THBS3: variants seen among roughly 807,000 people sequenced by gnomAD.
THBS3 encodes the protein thrombospondin-3.
Under a neutral mutation model 118.3 loss-of-function variants are expected in THBS3, and 78 were observed. The ratio of observed to expected loss-of-function variants is 0.66; its 90% CI spans 0.55 to 0.80. The LOEUF (loss-of-function observed/expected upper bound fraction) is 0.80. Ranked by LOEUF, THBS3 falls within the 30% of genes least tolerant of loss-of-function variation. The probability of loss-of-function intolerance (pLI) is 0.00; values close to 1 mark genes in which losing one functional copy is unlikely to be tolerated. For missense variants in THBS3, 1,057 were observed against 1,247.4 expected, an observed-to-expected ratio of 0.85 and a Z score of 2.30; for synonymous variants, 427 against 475.3, an observed-to-expected ratio of 0.90 and a Z score of 1.32.
At chr1:155,203,366 G>A in intron 5 of THBS3, 61 bp from the exon 6 acceptor site, 4 of 1,600,104 alleles carry the variant, frequency 2.5e-6, no homozygotes, top group South Asian at 2.2e-5. Flanking sequence ...GCCCTCCATG[G>A]GCAATAAGCC....
At position 155,199,999 on chromosome 1, in the gene THBS3, G is replaced by C. The variant is rs753216530; in HGVS notation, c.1823C>G (p.Thr608Ser). 2 of 1,599,610 alleles carry C rather than the reference G, an allele frequency of 1.3e-6. No homozygotes were observed. The highest frequency in any genetic ancestry group is 1.7e-6 in the Non-Finnish European group (2 of 1,171,958). ...CDSCPEMSNPTQTDADSDLVG... is the reference protein window; with the variant it reads ...CDSCPEMSNPSQTDADSDLVG... The stretch of plus-strand genomic sequence containing the variant: ...GTCCTTACCATCTCCCTGTACCTGG[G>C]TAGGATTGCTCATTTCAGGGCAGCT... The change falls in exon 15 of 23, where the codon ACC becomes AGC. Residue 608 changes from threonine to serine, a missense_variant. Thr to Ser is a moderately conservative substitution (Grantham distance 58, BLOSUM62 1). Around this residue, in one of 3 missense-constraint regions of THBS3, gnomAD observed 544 missense variants for 715.6 expected, o/e 0.76. Coordinates refer to ENST00000368378, the MANE Select transcript of THBS3 (RefSeq NM_007112.5).
upstream of THBS3, chr1:155,209,153 CT>C (rs979110905): frequency 3.3e-5 from 50 of 1,515,714 alleles, no homozygotes; most frequent in African/African-American, 4.8e-4. Context: ...CCCAGGCCCC[CT>C]GACCGCAACG....
At chr1:155,198,335 T>A (rs1422625330) in intron 17 of THBS3, 74 bp downstream of exon 17, 1 of 1,587,950 alleles carries the variant, frequency 6.3e-7, no homozygotes, top group Non-Finnish European at 8.6e-7. Context: ...CTTCCTCACT[T>A]CCCAACAGGG....
chr1:155,196,150 G>A (rs72704114), intron 21 of THBS3, 24 bp from the exon 22 acceptor site: 16,189 of 1,613,180 alleles, frequency 0.01, 126 homozygotes, highest in Non-Finnish European at 0.011. Flanking sequence ...CAGGATAGGA[G>A]TATCCATTGG....
At position 155,201,938 on chromosome 1, in the gene THBS3, C is replaced by T. The variant is rs1669801567; in HGVS notation, c.1176+19G>A. On this transcript the variant is annotated intron_variant, in intron 10 of 22. Coordinates refer to ENST00000368378, the MANE Select transcript of THBS3 (RefSeq NM_007112.5). ...ACCATTCCCACCACCCCAGAATACA[C>T]TCAGGATATTCAGCTCACCACAGTG... The T allele has an allele frequency of 6.2e-7, 1 of 1,613,734 alleles. No homozygotes were observed. The highest frequency in any genetic ancestry group is 1.3e-5 in the African/African-American group (1 of 74,900).
intron 21 of THBS3, 185 bp from the exon 22 acceptor site, chr1:155,196,311 C>T (rs1668663347): frequency 1.5e-6 from 1 of 663,110 alleles, no homozygotes; most frequent in East Asian, 2.8e-5. Flanking sequence ...AGGCCTGGGG[C>T]CCCTAGCTCT....
At chr1:155,207,969 G>T (rs1670802071), upstream of THBS3, 4 of 748,650 alleles carry the variant, frequency 5.3e-6, no homozygotes, top group Non-Finnish European at 7.9e-6. Flanking sequence ...CGGAGGGACA[G>T]AATTGGAGGG....
At chr1:155,201,898 G>C in intron 10 of THBS3, 59 bp downstream of exon 10, 1 of 1,607,026 alleles carries the variant, frequency 6.2e-7, no homozygotes, top group Non-Finnish European at 8.5e-7. Context: ...AAGAAGGGGC[G>C]GGGGTTGGGG....
rs368335244 is a variant in THBS3 at position 155,205,125 on chromosome 1, T to C, written c.478A>G (p.Ile160Val). The change falls in exon 3 of 23, where the codon ATT becomes GTT. Residue 160 changes from isoleucine to valine, a missense_variant. Around this residue, in one of 3 missense-constraint regions of THBS3, gnomAD observed 206 missense variants for 205.7 expected, o/e 1.00. Coordinates refer to ENST00000368378, the MANE Select transcript of THBS3 (RefSeq NM_007112.5). ...AGCCCATCGACCTCCGCTGGAGGAA[T>C]GGGGGCCAGTGCTGGAAGGCCTGCA... The part of the protein sequence containing the change: ...QHAGLPALAP[I>V]PPAEVDGLEI... 1.7e-5 allele frequency: 27 copies of C among 1,614,068 alleles called. No individual in the cohort carries two copies. Among genetic ancestry groups the C allele is most frequent in the Non-Finnish European group, 2.3e-5 (27 of 1,180,050 alleles).
At position 155,195,801 on chromosome 1, in the gene THBS3, G is replaced by A. The variant is rs780766488; in HGVS notation, c.*40C>T. ...CTCCAGGATGGACCCCAAGGCCAAA[G>A]GGTCTAAAATTCTGAATTCTGAATC... On this transcript the variant is annotated 3_prime_UTR_variant, in exon 23 of 23. Coordinates refer to ENST00000368378, the MANE Select transcript of THBS3 (RefSeq NM_007112.5). 4 of 1,608,466 alleles carry A rather than the reference G, an allele frequency of 2.5e-6. No homozygotes were observed. In the South Asian group the frequency reaches 4.4e-5, roughly 18 times the overall value.
At chr1:155,199,124 AAGG>A (rs1280095378) in intron 16 of THBS3, among the ~76,000 whole-genome samples, 1 of 150,100 alleles carries the variant, frequency 6.7e-6, no homozygotes, top group Non-Finnish European at 1.5e-5. Context: ...CAAAAAAAAA[AAGG>A]AGGCCGGGCA....
rs768801703 is a variant in THBS3, at chr1:155,202,354, G to A, written c.1005C>T (p.Thr335=). ...AGGCCTCACAGTGGAAGCCGGGCAT[G>A]GTGTTGATGCAGCTGGAGCCCGGGA... ...PCFPGSSCIN[T]MPGFHCEACP... is the part of the protein sequence containing the mutation. Residue 335 remains threonine (T), a synonymous_variant, in exon 9 of 23, where the codon ACC becomes ACT. Transcript: ENST00000368378. The surrounding 1 kb of genome is among the most constrained non-coding windows in gnomAD (Gnocchi z 5.5). 149 of 1,613,956 alleles carry A rather than the reference G, an allele frequency of 9.2e-5. No homozygotes were observed. The highest frequency in any genetic ancestry group is 1.5e-4 in the Admixed American group (9 of 60,006).
In THBS3 at chr1:155,195,787, A is replaced by AC; in HGVS notation, c.*53dup. The AC allele has an allele frequency of 2.5e-6, 4 of 1,593,834 alleles. No individual in the cohort carries two copies. Among genetic ancestry groups the AC allele is most frequent in the Non-Finnish European group, 3.4e-6 (4 of 1,169,136 alleles). On this transcript the variant is annotated 3_prime_UTR_variant, in exon 23 of 23. Transcript: ENST00000368378. ...TTAGACCTCAGGGTCTCCAGGATGG[A>AC]CCCCAAGGCCAAAGGGTCTAAAATT...
At position 155,207,848 on chromosome 1, in the gene THBS3, A is replaced by C; in HGVS notation, c.29T>G (p.Leu10Arg). Residue 10 changes from leucine (L) to arginine (R), a missense_variant, in exon 1 of 23, where the codon CTG (leucine) becomes CGG (arginine). Transcript: ENST00000368378. ...GAAAAAGCAAAGGAGGAGAAGAGCC[A>C]GGGCCCCCCGAAGTTCCTGCGTCTC... METQELRGA[L>R]ALLLLCFFTS... The C allele has an allele frequency of 5.6e-6, 9 of 1,614,060 alleles. No homozygotes were observed. Among genetic ancestry groups the C allele is most frequent in the Non-Finnish European group, 7.6e-6 (9 of 1,180,014 alleles).
chr1:155,208,707 G>GC, upstream of THBS3: 16 of 1,035,818 alleles, frequency 1.5e-5, no homozygotes, highest in East Asian at 3.1e-5. Context: ...CCAAGCCCCA[G>GC]CCCGGCCTCC....
intron 21 of THBS3, chr1:155,196,399 T>C: frequency 2.0e-6 from 1 of 498,086 alleles, no homozygotes; most frequent in South Asian, 2.7e-5. Context: ...ATAAGCACAA[T>C]GGGCTGGGGG....
chr1:155,202,182 AG>A lies in THBS3; in HGVS notation c.1098+78del. 6.3e-7 allele frequency: 1 copy of A among 1,594,246 alleles called. No individual in the cohort carries two copies. Among genetic ancestry groups the A allele is most frequent in the Non-Finnish European group, 8.6e-7 (1 of 1,168,680 alleles). On this transcript the variant is annotated intron_variant, in intron 9 of 22. Coordinates refer to ENST00000368378, the MANE Select transcript of THBS3 (RefSeq NM_007112.5). This position sits in a 1 kb window ranked among gnomAD's most constrained non-coding sequence, Gnocchi z 5.5. ...AGCCATCCATGTCCCATTCATCACAAGGGTCCCATGTCCAACCCAGAAGCCC... is the reference window on the plus strand; with the variant it reads ...AGCCATCCATGTCCCATTCATCACAAGGTCCCATGTCCAACCCAGAAGCCC...
Position 155,206,160 on chromosome 1 carries a change from G to A in THBS3, c.286+40C>T, listed in dbSNP as rs766441916. The A allele has an allele frequency of 5.6e-6, 9 of 1,607,202 alleles. No homozygotes were observed. The highest frequency in any genetic ancestry group is 7.7e-6 in the Non-Finnish European group (9 of 1,175,900). On this transcript the variant is annotated intron_variant, in intron 2 of 22. Coordinates refer to ENST00000368378, the MANE Select transcript of THBS3 (RefSeq NM_007112.5). This position sits in a 1 kb window ranked among gnomAD's most constrained non-coding sequence, Gnocchi z 4.2. ...AGTAGGGATGAGGGAGAGTGCTTAAGGAGGTCACCATTGCAAGAAAGGAGA... is the reference window on the plus strand; with the variant it reads ...AGTAGGGATGAGGGAGAGTGCTTAAAGAGGTCACCATTGCAAGAAAGGAGA...
At position 155,202,296 on chromosome 1, in the gene THBS3, C is replaced by G. The variant is rs374545599; in HGVS notation, c.1063G>C (p.Gly355Arg). 1.9e-5 allele frequency: 30 copies of G among 1,613,984 alleles called. No individual in the cohort carries two copies. The highest frequency in any genetic ancestry group is 2.4e-5 in the Non-Finnish European group (28 of 1,180,036). ...PRGYKGTQVS[G>R]VGIDYARASK... ...GCCCGGGCATAGTCAATGCCCACACCAGACACCTGTGTGCCCTTGTACCCT... is the reference window on the plus strand; with the variant it reads ...GCCCGGGCATAGTCAATGCCCACACGAGACACCTGTGTGCCCTTGTACCCT... The change falls in exon 9 of 23, where the codon GGT becomes CGT. Residue 355 changes from glycine (G) to arginine (R), a missense_variant. This residue lies in a region of THBS3 where 544 missense variants were observed against 715.6 expected (regional missense o/e 0.76). Transcript: ENST00000368378. The surrounding 1 kb of genome is among the most constrained non-coding windows in gnomAD (Gnocchi z 5.5).
Sources: allele counts gnomAD v4.1 joint callset (sites outside exome capture counted in the v4.1 genomes callset), GRCh38; gene constraint gnomAD v4.1.1; regional missense constraint gnomAD v4.1.1; non-coding constraint Gnocchi (gnomAD v3.1); transcripts MANE v1.5; gene names NCBI Gene and HGNC (gene_info 2026-07-23, HGNC 2026-07-21).